The following PPP2R3A variants were observed in gnomAD, a reference collection of about 807,000 sequenced individuals.
PPP2R3A encodes the protein protein phosphatase 2 regulatory subunit B''alpha.
Under a neutral mutation model 106.9 loss-of-function variants are expected in PPP2R3A, and 80 were observed. The observed-to-expected ratio is 0.75, with a 90% CI of 0.62 to 0.90. The LOEUF (loss-of-function observed/expected upper bound fraction) is 0.90. Ranked by LOEUF, PPP2R3A falls within the 40% of genes least tolerant of loss-of-function variation. PPP2R3A has a pLI of 0.00. For missense variants in PPP2R3A, 1,386 were observed against 1,350.4 expected (o/e 1.03, Z -0.41); for synonymous variants, 483 against 468.3 (o/e 1.03, Z -0.41).
chr3:136,014,343 G>GT, intron 2 of PPP2R3A, among the ~76,000 whole-genome samples: 1 of 152,084 alleles, frequency 6.6e-6, no homozygotes, highest in Non-Finnish European at 1.5e-5. Context: ...GTTTTTTCTA[G>GT]TTTTGTGAAG....
intron 7 of PPP2R3A, among the ~76,000 whole-genome samples, chr3:136,081,319 A>G (rs1936775274): frequency 6.6e-6 from 1 of 152,076 alleles, no homozygotes; most frequent in Admixed American, 6.5e-5. Context: ...TGCATTCCAT[A>G]TTAATATTGA....
At chr3:136,096,141 A>C (rs1296203116) in intron 10 of PPP2R3A, among the ~76,000 whole-genome samples, 1 of 152,136 alleles carries the variant, frequency 6.6e-6, no homozygotes, top group Non-Finnish European at 1.5e-5. Context: ...TTGGTACTTA[A>C]AGTGCAGTTT....
intron 1 of PPP2R3A, among the ~76,000 whole-genome samples, chr3:135,993,733 CAT>C (rs1321055543): frequency 6.6e-6 from 1 of 152,184 alleles, no homozygotes; most frequent in Non-Finnish European, 1.5e-5. Flanking sequence ...CTGGTACATT[CAT>C]ACAGTGGAAT....
At chr3:136,048,915 C>T (rs920138546) in intron 4 of PPP2R3A, among the ~76,000 whole-genome samples, 1 of 152,050 alleles carries the variant, frequency 6.6e-6, no homozygotes, top group African/African-American at 2.4e-5. Context: ...TAGCTTGAAC[C>T]ATTGGGTGCT....
At chr3:136,030,821 TGTATAC>T (rs1236278079) in intron 3 of PPP2R3A, among the ~76,000 whole-genome samples, 35 of 143,774 alleles carry the variant, frequency 2.4e-4, no homozygotes, top group African/African-American at 7.8e-4. Flanking sequence ...TATGTATGTA[TGTATAC>T]ACACACACAC....
In PPP2R3A at chr3:136,145,696, T is replaced by G. The variant is rs1444377006; in HGVS notation, c.*530T>G. 2.0e-5 allele frequency: 3 copies of G among 152,646 alleles called. No individual in the cohort carries two copies. The highest frequency in any genetic ancestry group is 4.4e-5 in the Non-Finnish European group (3 of 68,060). 9.5% of individuals were successfully genotyped at this position (152,646 alleles called of 1,614,324 possible). A position where few individuals can be genotyped will look rare whatever the true frequency, so the allele number is the denominator to read the frequency against. ...TATGTATACTGGAGTTCAAAGATCTTTAACTTACCTGGCTTAATGTAATTT... is the reference window on the plus strand; with the variant it reads ...TATGTATACTGGAGTTCAAAGATCTGTAACTTACCTGGCTTAATGTAATTT... On this transcript the variant is annotated 3_prime_UTR_variant, in exon 14 of 14. Transcript: ENST00000264977.
At chr3:136,137,037 G>T (rs1268648270) in intron 13 of PPP2R3A, among the ~76,000 whole-genome samples, 1 of 152,070 alleles carries the variant, frequency 6.6e-6, no homozygotes, top group Non-Finnish European at 1.5e-5. Context: ...GAAAGACAGG[G>T]TACCAGTTAC....
chr3:136,002,919 A>G lies in PPP2R3A; in HGVS notation c.1421A>G (p.Glu474Gly), dbSNP rs1559862776. The G allele has an allele frequency of 6.8e-6, 11 of 1,611,960 alleles. No individual in the cohort carries two copies. Among genetic ancestry groups the G allele is most frequent in the Non-Finnish European group, 9.3e-6 (11 of 1,179,398 alleles). ...CAAAATGAAATTGGTAAGATATTTG[A>G]GAAATCATTTGTTAATCTACCTAAG... ...PMQNEIGKIFEKSFVNLPKED... is the reference protein window; with the variant it reads ...PMQNEIGKIFGKSFVNLPKED... The change falls in exon 2 of 14, where the codon GAG becomes GGG. Residue 474 changes from glutamate to glycine, a missense_variant. By Grantham distance (98) the Glu-to-Gly change is moderately conservative. Transcript: ENST00000264977.
chr3:136,131,383 A>T (rs1289633314), intron 13 of PPP2R3A, among the ~76,000 whole-genome samples: 2 of 152,264 alleles, frequency 1.3e-5, no homozygotes, highest in Non-Finnish European at 2.9e-5. Context: ...AAAAGAAGAC[A>T]CCTATGCAGC....
intron 10 of PPP2R3A, among the ~76,000 whole-genome samples, chr3:136,094,252 G>A (rs1937166167): frequency 6.6e-6 from 1 of 152,190 alleles, no homozygotes; most frequent in African/African-American, 2.4e-5. Context: ...AATGGGTATG[G>A]AGTCTCTTTT....
Position 136,042,970 on chromosome 3 carries a change from A to AT in PPP2R3A, c.2366+2020dup, listed in dbSNP as rs10707670. Among the ~76,000 whole-genome samples, 1,368 of 148,070 alleles carry AT rather than the reference A, an allele frequency of 9.2e-3. 21 individuals carry two copies. The highest frequency in any genetic ancestry group is 0.047 in the Admixed American group (696 of 14,814). ...TGGAGAAGACGTGTTTAGTTTTGTA[A>AT]TTTTTTTTTTTTGTAACATTTGCAT... On this transcript the variant is annotated intron_variant, in intron 4 of 13. Transcript: ENST00000264977.
At chr3:135,976,449 T>C (rs1170667025) in intron 1 of PPP2R3A, among the ~76,000 whole-genome samples, 2 of 152,242 alleles carry the variant, frequency 1.3e-5, no homozygotes, top group Non-Finnish European at 2.9e-5. Flanking sequence ...AGACTTTCTT[T>C]AGCATGAGAA....
intron 1 of PPP2R3A, among the ~76,000 whole-genome samples, chr3:135,974,182 T>C (rs1005839667): frequency 6.6e-6 from 1 of 152,232 alleles, no homozygotes; most frequent in African/African-American, 2.4e-5. Flanking sequence ...TGCTAGTTCC[T>C]CATGATCTTC....
rs1377748431 is a variant in PPP2R3A at position 136,145,942 on chromosome 3, G to A, written c.*776G>A. 6.6e-6 allele frequency: 1 copy of A among 152,174 alleles called. No individual in the cohort carries two copies. The highest frequency in any genetic ancestry group is 2.4e-5 in the African/African-American group (1 of 41,440). The allele number at this position is 152,174 out of a possible 1,614,324, so 9.4% of individuals were successfully genotyped here. On this transcript the variant is annotated 3_prime_UTR_variant, in exon 14 of 14. Coordinates refer to ENST00000264977, the MANE Select transcript of PPP2R3A (RefSeq NM_002718.5). ...TTTATTCATTGAACTATTGAATGATGTATTTAATATCCAAATTAGTTGATA... is the reference window on the plus strand; with the variant it reads ...TTTATTCATTGAACTATTGAATGATATATTTAATATCCAAATTAGTTGATA...
At chr3:136,143,055 G>A (rs1052983901) in intron 13 of PPP2R3A, among the ~76,000 whole-genome samples, 3 of 152,134 alleles carry the variant, frequency 2.0e-5, no homozygotes, top group Admixed American at 6.5e-5. Context: ...GAAGAGGAGT[G>A]GAAACAAGAA....
At chr3:136,108,184 G>T (rs889271239) in intron 13 of PPP2R3A, among the ~76,000 whole-genome samples, 1 of 151,140 alleles carries the variant, frequency 6.6e-6, no homozygotes, top group African/African-American at 2.5e-5. Flanking sequence ...TTGCACTCCA[G>T]CCTGGCCTGC....
intron 6 of PPP2R3A, among the ~76,000 whole-genome samples, chr3:136,074,607 C>T (rs970732295): frequency 5.9e-5 from 9 of 152,180 alleles, no homozygotes; most frequent in African/African-American, 2.2e-4. Flanking sequence ...TTAAAATAAG[C>T]GATGAGATTT....
intron 13 of PPP2R3A, among the ~76,000 whole-genome samples, chr3:136,143,363 C>T (rs1318308156): frequency 6.6e-6 from 1 of 152,100 alleles, no homozygotes; most frequent in African/African-American, 2.4e-5. Flanking sequence ...TGGTGATATA[C>T]GTCCGTAATC....
chr3:136,017,519 A>T (rs1309342907), intron 2 of PPP2R3A, among the ~76,000 whole-genome samples: 1 of 152,230 alleles, frequency 6.6e-6, no homozygotes, highest in Non-Finnish European at 1.5e-5. Context: ...TGCAGCTGTG[A>T]ACATTTGTGT....
Sources: gnomAD v4.1 joint callset for allele counts (sites outside exome capture counted in the v4.1 genomes callset) on GRCh38, gnomAD v4.1.1 for gene constraint, MANE v1.5 for transcripts, NCBI Gene and HGNC (gene_info 2026-07-23, HGNC 2026-07-21) for gene names.